RADIL: variants seen among roughly 807,000 people sequenced by gnomAD.
RADIL encodes Rap associating with DIL domain.
Under a neutral mutation model 97.6 loss-of-function variants are expected in RADIL, and 99 were observed. That is an observed-to-expected ratio of 1.01 (90% CI 0.86 to 1.20). The LOEUF is 1.20. Ranked by LOEUF, RADIL falls within the 50% of genes most tolerant of loss-of-function variation. RADIL has a pLI of 0.00. For synonymous variants in RADIL, 803 were observed against 691.8 expected (o/e 1.16, Z -2.52); for missense variants, 1,765 against 1,498.9 (o/e 1.18, Z -2.93).
chr7:4,821,807 G>C lies in RADIL; in HGVS notation c.1615+587C>G, dbSNP rs1782840626. Among the ~76,000 whole-genome samples, 1 of 152,142 alleles carries C rather than the reference G, an allele frequency of 6.6e-6. No homozygotes were observed. The highest frequency in any genetic ancestry group is 2.1e-4 in the South Asian group (1 of 4,828). ...GGAGACGGAGCTTGCAGTGAGCCAA[G>C]ATCGCACCATTGCACTCCAGCCTGG... On this transcript the variant is annotated intron_variant, in intron 6 of 14. Coordinates refer to ENST00000399583, the MANE Select transcript of RADIL (RefSeq NM_018059.5). This position sits in a 1 kb window ranked among gnomAD's most constrained non-coding sequence, Gnocchi z 5.2.
chr7:4,799,931 G>A (rs913892064), intron 13 of RADIL, among the ~76,000 whole-genome samples, 162 bp from the exon 14 acceptor site: 15 of 152,202 alleles, frequency 9.9e-5, no homozygotes, highest in African/African-American at 2.2e-4. Context: ...GGACACCACC[G>A]TCCCCACAGG....
Position 4,878,047 on chromosome 7 carries a change from C to A in RADIL, c.93G>T (p.Thr31=). Residue 31 remains threonine (T), a synonymous_variant, in exon 2 of 15, where the codon ACG becomes ACT. Transcript: ENST00000399583. The surrounding 1 kb of genome is among the most constrained non-coding windows in gnomAD (Gnocchi z 4.1). ...SQLLSSMLSR[T]LSYKYRDLDS... The stretch of plus-strand genomic sequence containing the variant: ...CCAGGTCCCGGTACTTGTAGCTCAG[C>A]GTCCGGGACAGCATGCTGGACAACA... The A allele has an allele frequency of 6.2e-7, 1 of 1,605,434 alleles. No homozygotes were observed. Among genetic ancestry groups the A allele is most frequent in the East Asian group, 2.2e-5 (1 of 44,592 alleles).
rs1039400657 is a variant in RADIL, at chr7:4,819,000, C to T, written c.1616-1649G>A. On this transcript the variant is annotated intron_variant, in intron 6 of 14. Transcript: ENST00000399583. The surrounding 1 kb of genome is among the most constrained non-coding windows in gnomAD (Gnocchi z 7.1). ...ACTCCAATCTACCCGCCTTGGCCCCCCAAAGTGCTGGGATTACAGGCATGC... is the reference window on the plus strand; with the variant it reads ...ACTCCAATCTACCCGCCTTGGCCCCTCAAAGTGCTGGGATTACAGGCATGC... Among the ~76,000 whole-genome samples the T allele has an allele frequency of 4.6e-5, 7 of 151,814 alleles. No individual in the cohort carries two copies. The highest frequency in any genetic ancestry group is 7.4e-5 in the Non-Finnish European group (5 of 67,968).
chr7:4,833,673 CCT>C lies in RADIL; in HGVS notation c.1416+932_1416+933del, dbSNP rs1176306083. ...ACACAGTCAAGTGGTTCCCCCTTCC[CCT>C]GTCTGCCGGGGATAAGCGGGGCCCA... is the stretch of plus-strand genomic sequence containing the variant. On this transcript the variant is annotated intron_variant, in intron 4 of 14. Transcript: ENST00000399583. Among the ~76,000 whole-genome samples, 6 of 152,320 alleles carry C rather than the reference CCT, an allele frequency of 3.9e-5. 1 individual carries two copies. Among genetic ancestry groups the C allele is most frequent in the South Asian group, 4.1e-4 (2 of 4,824 alleles).
intron 2 of RADIL, among the ~76,000 whole-genome samples, chr7:4,875,511 C>T (rs1784356244): frequency 2.0e-5 from 3 of 152,214 alleles, no homozygotes; most frequent in Admixed American, 1.3e-4. Context: ...GCGGGCCTTC[C>T]CAGGGCTCCT....
At chr7:4,871,981 C>A (rs1031829908) in intron 2 of RADIL, among the ~76,000 whole-genome samples, 3 of 152,182 alleles carry the variant, frequency 2.0e-5, no homozygotes, top group Non-Finnish European at 4.4e-5. Flanking sequence ...GTCCCTGTCT[C>A]CAGGAACGCA....
intron 2 of RADIL, among the ~76,000 whole-genome samples, chr7:4,856,660 G>A (rs767798495): frequency 6.6e-6 from 1 of 152,138 alleles, no homozygotes; most frequent in African/African-American, 2.4e-5. Context: ...TCTGTGGTGA[G>A]AGAACATGTC....
rs1782283165 is a variant in RADIL, at chr7:4,805,692, C to T, written c.2164G>A (p.Ala722Thr). The stretch of plus-strand genomic sequence containing the variant: ...TGTGCTGGGCTCAGTGCGGGGAACG[C>T]AGCCCGCAGGGCTGTCCAGCTCATC... ...IQMSWTALRAAFPALSPAQLH... is the reference protein window; with the variant it reads ...IQMSWTALRATFPALSPAQLH... The change falls in exon 10 of 15, where the codon GCG (alanine) becomes ACG (threonine). Residue 722 changes from alanine (A) to threonine (T), a missense_variant. By Grantham distance (58) the Ala-to-Thr change is moderately conservative. Transcript: ENST00000399583. The T allele has an allele frequency of 1.2e-6, 2 of 1,611,194 alleles. No individual in the cohort carries two copies. The highest frequency in any genetic ancestry group is 2.2e-5 in the East Asian group (1 of 44,870).
intron 10 of RADIL, chr7:4,804,053 GCC>G (rs1782209519): frequency 1.4e-5 from 6 of 443,002 alleles, no homozygotes; most frequent in Middle Eastern, 3.5e-4. Context: ...GCCTGTCTCT[GCC>G]CCACTGGTCT....
Position 4,819,729 on chromosome 7 carries a change from C to T in RADIL, c.1616-2378G>A, listed in dbSNP as rs1291028490. Among the ~76,000 whole-genome samples the T allele has an allele frequency of 6.6e-6, 1 of 152,188 alleles. No individual in the cohort carries two copies. The highest frequency in any genetic ancestry group is 2.4e-5 in the African/African-American group (1 of 41,456). On this transcript the variant is annotated intron_variant, in intron 6 of 14. Transcript: ENST00000399583. This position sits in a 1 kb window ranked among gnomAD's most constrained non-coding sequence, Gnocchi z 5.8. ...CCCACAGACATTTCCTGCAGAGGGTCGGGAGGCTGACGGGGCTCTGCCCCT... is the reference window on the plus strand; with the variant it reads ...CCCACAGACATTTCCTGCAGAGGGTTGGGAGGCTGACGGGGCTCTGCCCCT...
At chr7:4,850,435 T>C (rs1309852548) in intron 2 of RADIL, among the ~76,000 whole-genome samples, 3 of 152,168 alleles carry the variant, frequency 2.0e-5, no homozygotes, top group African/African-American at 7.2e-5. Context: ...TAATTAAGGT[T>C]GTCTATCAGC....
At chr7:4,881,451 G>C (rs1450628770) in intron 1 of RADIL, among the ~76,000 whole-genome samples, 1 of 147,282 alleles carries the variant, frequency 6.8e-6, no homozygotes, top group Non-Finnish European at 1.5e-5. Context: ...AATTGGCTGG[G>C]CATGGTGGTT....
chr7:4,879,149 G>A lies in RADIL; in HGVS notation c.-64-946C>T, dbSNP rs886533808. On this transcript the variant is annotated intron_variant, in intron 1 of 14. Coordinates refer to ENST00000399583, the MANE Select transcript of RADIL (RefSeq NM_018059.5). The surrounding 1 kb of genome is among the most constrained non-coding windows in gnomAD (Gnocchi z 4.1). Reference sequence around the variant, plus strand: ...GTGCAGGCATGGCCGGAATGCAGGCGTCCCGCCCACCACAGGCCGCGGGTG... The same window carrying A: ...GTGCAGGCATGGCCGGAATGCAGGCATCCCGCCCACCACAGGCCGCGGGTG... 9.2e-5 allele frequency among the ~76,000 whole-genome samples: 14 copies of A among 152,344 alleles called. No individual in the cohort carries two copies. The highest frequency in any genetic ancestry group is 2.1e-4 in the South Asian group (1 of 4,832).
intron 12 of RADIL, 107 bp from the exon 13 acceptor site, chr7:4,800,417 G>C: frequency 8.5e-7 from 1 of 1,170,354 alleles, no homozygotes; most frequent in Non-Finnish European, 1.1e-6. Flanking sequence ...GGATGGGATG[G>C]CCTCCTGTGG....
chr7:4,835,159 G>A lies in RADIL; in HGVS notation c.864C>T (p.Leu288=). Residue 288 remains leucine (L), a synonymous_variant, in exon 4 of 15, where the codon CTC becomes CTT. Transcript: ENST00000399583. The surrounding 1 kb of genome is among the most constrained non-coding windows in gnomAD (Gnocchi z 5.8). ...RTPSSKPSIS[L]SAPDILPLHC... ...GTAGAGGCAGGATGTCGGGGGCTGA[G>A]AGGCTGATGCTGGGCTTGCTGGAGG... 3 of 1,611,600 alleles carry A rather than the reference G, an allele frequency of 1.9e-6. No homozygotes were observed. The highest frequency in any genetic ancestry group is 2.2e-5 in the East Asian group (1 of 44,794).
chr7:4,797,267 C>T lies in RADIL; in HGVS notation c.*2111G>A, dbSNP rs1021187496. On this transcript the variant is annotated 3_prime_UTR_variant, in exon 15 of 15. Transcript: ENST00000399583. ...CCCCGACTCCACGGGGCCTCCCTTC[C>T]TTGGGGTGATGCCAAGAGCTTCTTT... 2.6e-5 allele frequency: 4 copies of T among 152,312 alleles called. No homozygotes were observed. The highest frequency in any genetic ancestry group is 4.4e-5 in the Non-Finnish European group (3 of 68,104). 9.4% of individuals were successfully genotyped at this position (152,312 alleles called of 1,614,324 possible).
rs1562438015 is a variant in RADIL at position 4,824,232 on chromosome 7, G to T, written c.1455-1678C>A. Among the ~76,000 whole-genome samples the T allele has an allele frequency of 6.6e-6, 1 of 152,232 alleles. No homozygotes were observed. Among genetic ancestry groups the T allele is most frequent in the African/African-American group, 2.4e-5 (1 of 41,468 alleles). ...GGGATTCTAAGGGGTGAGCCAGGCA[G>T]CTGCCACTCTGCTGGCCGCAGGGCA... On this transcript the variant is annotated intron_variant, in intron 5 of 14. Transcript: ENST00000399583. This position sits in a 1 kb window ranked among gnomAD's most constrained non-coding sequence, Gnocchi z 6.7.
chr7:4,869,320 G>C (rs1174037144), intron 2 of RADIL, among the ~76,000 whole-genome samples: 2 of 152,126 alleles, frequency 1.3e-5, no homozygotes, highest in Admixed American at 1.3e-4. Flanking sequence ...TTTCTGTAGA[G>C]ACAGAGTCTC....
At position 4,803,540 on chromosome 7, in the gene RADIL, G is replaced by A. The variant is rs138344435; in HGVS notation, c.2499+6C>T. ...ACGCTGGCTGGGGGGCCCCCTCCCC[G>A]GGTACCTCGGGGCACACTGGCTGGG... is the stretch of plus-strand genomic sequence containing the variant. On this transcript the variant is annotated splice_donor_region_variant and intron_variant, in intron 11 of 14. Coordinates refer to ENST00000399583, the MANE Select transcript of RADIL (RefSeq NM_018059.5). 0.025 allele frequency: 37,205 copies of A among 1,517,952 alleles called. 884 individuals carry two copies. Among genetic ancestry groups the A allele is most frequent in the African/African-American group, 0.08 (4,914 of 61,784 alleles). The allele number at this position is 1,517,952 out of a possible 1,614,324, so 94.0% of individuals were successfully genotyped here. A position where few individuals can be genotyped will look rare whatever the true frequency, so the allele number is the denominator to read the frequency against.
Sources: gnomAD v4.1 joint callset for allele counts (sites outside exome capture counted in the v4.1 genomes callset) on GRCh38, gnomAD v4.1.1 for gene constraint, Gnocchi (gnomAD v3.1) non-coding constraint, MANE v1.5 for transcripts, NCBI Gene and HGNC (gene_info 2026-07-23, HGNC 2026-07-21) for gene names.